The following TMPRSS15 variants were observed in gnomAD, a reference collection of about 807,000 sequenced individuals.
TMPRSS15 encodes enteropeptidase.
A neutral mutation model predicts 125.3 loss-of-function variants in TMPRSS15; 128 were observed. The ratio of observed to expected loss-of-function variants is 1.02; its 90% CI spans 0.89 to 1.18. The LOEUF (loss-of-function observed/expected upper bound fraction) is 1.18, where lower values mean the gene tolerates loss of function less well. Among genes scored for constraint, TMPRSS15 ranks in the 50% most tolerant of loss-of-function variants. TMPRSS15 has a pLI of 0.00. For missense variants in TMPRSS15, 1,283 were observed against 1,212.7 expected, an observed-to-expected ratio of 1.06 and a Z score of -0.86; for synonymous variants, 446 against 423.2, an observed-to-expected ratio of 1.05 and a Z score of -0.66.
rs188303806 is a variant in TMPRSS15 at position 18,270,959 on chromosome 21, G to A, written c.2905-835C>T. Reference sequence around the variant, plus strand: ...AAGTTTTATGTGTTTTGAAATCACTGGTATAATAGAATATTTCAATCCCAG... The same window carrying A: ...AAGTTTTATGTGTTTTGAAATCACTAGTATAATAGAATATTTCAATCCCAG... On this transcript the variant is annotated intron_variant, in intron 24 of 24. Coordinates refer to ENST00000284885, the MANE Select transcript of TMPRSS15 (RefSeq NM_002772.3). 6.6e-5 allele frequency among the ~76,000 whole-genome samples: 10 copies of A among 152,176 alleles called. No individual in the cohort carries two copies. In the East Asian group the frequency reaches 1.9e-3, roughly 29 times the overall value.
At chr21:18,332,050 T>G (rs566685523) in intron 14 of TMPRSS15, 34 bp downstream of exon 14, 1 of 1,579,186 alleles carries the variant, frequency 6.3e-7, no homozygotes, top group East Asian at 2.2e-5. Context: ...ATATGGACAT[T>G]TGTTTCTGAT....
intron 13 of TMPRSS15, among the ~76,000 whole-genome samples, chr21:18,340,987 C>A (rs1334409425): frequency 3.3e-5 from 5 of 152,080 alleles, no homozygotes; most frequent in Admixed American, 3.3e-4. Flanking sequence ...CTTTGATTTT[C>A]AGGAAAAATA....
At chr21:18,333,759 G>T (rs1167611728) in intron 13 of TMPRSS15, among the ~76,000 whole-genome samples, 4 of 152,172 alleles carry the variant, frequency 2.6e-5, no homozygotes, top group Non-Finnish European at 4.4e-5. Flanking sequence ...AGGTCTTCCA[G>T]CTCAGAGTCT....
intron 1 of TMPRSS15, among the ~76,000 whole-genome samples, chr21:18,409,846 C>T (rs1235556219): frequency 2.1e-5 from 2 of 97,236 alleles, no homozygotes; most frequent in Admixed American, 1.2e-4. Flanking sequence ...CCCTCCTTTC[C>T]CCCTTCCTTC....
At chr21:18,382,091 G>T (rs902407299) in intron 4 of TMPRSS15, among the ~76,000 whole-genome samples, 2 of 151,986 alleles carry the variant, frequency 1.3e-5, no homozygotes, top group African/African-American at 4.8e-5. Flanking sequence ...TAGTATAAAG[G>T]TTAAGAGGGC....
chr21:18,446,053 G>C (rs34956481), intron 1 of TMPRSS15, among the ~76,000 whole-genome samples: 59,117 of 151,964 alleles, frequency 0.39, 12,137 homozygotes, highest in Middle Eastern at 0.51. Context: ...TTATACTTAG[G>C]AAAACCTCAA....
intron 4 of TMPRSS15, 97 bp downstream of exon 4, chr21:18,383,530 A>G (rs1953754984): frequency 7.1e-7 from 1 of 1,399,214 alleles, no homozygotes; most frequent in Non-Finnish European, 9.9e-7. Context: ...ACATGTTCCT[A>G]AGGTCAAGCA....
At chr21:18,356,705 T>C (rs1277090673) in intron 8 of TMPRSS15, among the ~76,000 whole-genome samples, 1 of 151,848 alleles carries the variant, frequency 6.6e-6, no homozygotes, top group Non-Finnish European at 1.5e-5. Flanking sequence ...TGAGTATACA[T>C]AAAAGTGTCC....
intron 5 of TMPRSS15, among the ~76,000 whole-genome samples, chr21:18,376,511 T>C (rs1208604885): frequency 1.3e-5 from 2 of 152,186 alleles, no homozygotes; most frequent in Non-Finnish European, 2.9e-5. Flanking sequence ...CAACCAGTTA[T>C]TCTTTTCCTC....
At chr21:18,407,819 T>C (rs2076156332), upstream of TMPRSS15, among the ~76,000 whole-genome samples, 1 of 152,136 alleles carries the variant, frequency 6.6e-6, no homozygotes, top group Non-Finnish European at 1.5e-5. Flanking sequence ...ATAAAACGCT[T>C]TATGTGAAGT....
chr21:18,422,815 T>C (rs183788822), intron 1 of TMPRSS15, among the ~76,000 whole-genome samples: 4 of 152,354 alleles, frequency 2.6e-5, no homozygotes, highest in Admixed American at 2.0e-4. Flanking sequence ...CTTTTCTGTA[T>C]AGCTCTGGGC....
At chr21:18,303,210 T>C (rs1330222516) in intron 18 of TMPRSS15, among the ~76,000 whole-genome samples, 1 of 152,180 alleles carries the variant, frequency 6.6e-6, no homozygotes, top group Non-Finnish European at 1.5e-5. Context: ...CTTTATTTCT[T>C]TGGATCTTAT....
intron 1 of TMPRSS15, among the ~76,000 whole-genome samples, chr21:18,455,825 A>T (rs1978431768): frequency 6.6e-6 from 1 of 152,138 alleles, no homozygotes; most frequent in Non-Finnish European, 1.5e-5. Flanking sequence ...AATTGTAACT[A>T]ATTTTAACAA....
intron 1 of TMPRSS15, among the ~76,000 whole-genome samples, chr21:18,423,409 C>CTTT (rs5842689): frequency 7.8e-6 from 1 of 128,716 alleles, no homozygotes; most frequent in South Asian, 2.5e-4. Flanking sequence ...AAAATAAATT[C>CTTT]TTTTTTTTTT....
chr21:18,481,676 A>T (rs180857475), intron 1 of TMPRSS15, among the ~76,000 whole-genome samples: 1 of 151,868 alleles, frequency 6.6e-6, no homozygotes, highest in Non-Finnish European at 1.5e-5. Flanking sequence ...GTGCAGTTCT[A>T]TTAGTAAAAC....
intron 7 of TMPRSS15, among the ~76,000 whole-genome samples, chr21:18,363,515 T>G (rs1399658612): frequency 6.6e-6 from 1 of 152,076 alleles, no homozygotes; most frequent in African/African-American, 2.4e-5. Flanking sequence ...TTAATAAAAT[T>G]TCAAAGATTG....
In TMPRSS15 at chr21:18,294,602, C is replaced by A; in HGVS notation, c.2311+1G>T. 1 of 1,610,748 alleles carries A rather than the reference C, an allele frequency of 6.2e-7. No homozygotes were observed. Among genetic ancestry groups the A allele is most frequent in the South Asian group, 1.1e-5 (1 of 91,004 alleles). ...TGGGATATGACAACATATTTACTTA[C>A]ATTTATGGTTACACTGTAACCGAAT... On this transcript the variant is annotated splice_donor_variant, in intron 20 of 24. Coordinates refer to ENST00000284885, the MANE Select transcript of TMPRSS15 (RefSeq NM_002772.3). LOFTEE classifies it high-confidence loss of function.
chr21:18,402,563 C>CAT (rs568712096), intron 1 of TMPRSS15, among the ~76,000 whole-genome samples: 53 of 147,958 alleles, frequency 3.6e-4, no homozygotes, highest in African/African-American at 9.9e-4. Context: ...TTTATATGCA[C>CAT]ATATATATAT....
At chr21:18,323,533 C>T (rs2075260730) in intron 16 of TMPRSS15, among the ~76,000 whole-genome samples, 1 of 152,174 alleles carries the variant, frequency 6.6e-6, no homozygotes, top group Admixed American at 6.5e-5. Context: ...GGGATCATTA[C>T]AATTCAAGGT....
Sources: gnomAD v4.1 joint callset for allele counts (sites outside exome capture counted in the v4.1 genomes callset) on GRCh38, gnomAD v4.1.1 for gene constraint, MANE v1.5 for transcripts, NCBI Gene and HGNC (gene_info 2026-07-23, HGNC 2026-07-21) for gene names.